Variants in LRP1B observed in about 807,000 individuals in gnomAD.
The protein encoded by LRP1B is low-density lipoprotein receptor-related protein 1B.
In LRP1B, 217 loss-of-function variants were observed where a neutral mutation model predicts 556.6. That is an observed-to-expected ratio of 0.39 (90% CI 0.35 to 0.44). LRP1B has a LOEUF of 0.44. Ranked by LOEUF, LRP1B falls within the 20% of genes least tolerant of loss-of-function variation. The pLI is 1.00. For synonymous variants in LRP1B, 2,047 were observed against 1,865.8 expected (o/e 1.10, Z -2.50); for missense variants, 5,053 against 5,620.8 (o/e 0.90, Z 3.23).
intron 3 of LRP1B, among the ~76,000 whole-genome samples, chr2:141,396,684 A>C (rs1435138715): frequency 6.6e-6 from 1 of 152,160 alleles, no homozygotes; most frequent in Non-Finnish European, 1.5e-5. Flanking sequence ...GCATCTGATA[A>C]ATTCTGGATA....
intron 11 of LRP1B, among the ~76,000 whole-genome samples, chr2:141,045,068 C>T (rs962904244): frequency 4.0e-5 from 6 of 151,058 alleles, no homozygotes; most frequent in Admixed American, 1.3e-4. Context: ...GGCACATATA[C>T]ACCACGGAAT....
intron 7 of LRP1B, among the ~76,000 whole-genome samples, chr2:141,129,874 C>A (rs1245194420): frequency 1.3e-5 from 2 of 151,918 alleles, no homozygotes; most frequent in Non-Finnish European, 2.9e-5. Flanking sequence ...ACTGATTGTA[C>A]TGTTCACATG....
chr2:141,228,936 G>A (rs534346848), intron 6 of LRP1B, among the ~76,000 whole-genome samples: 3 of 151,922 alleles, frequency 2.0e-5, no homozygotes, highest in South Asian at 2.1e-4. Context: ...AGGTGACACT[G>A]TAAAAAGCCT....
chr2:141,300,549 G>C (rs1471057766), intron 3 of LRP1B, among the ~76,000 whole-genome samples: 1 of 152,180 alleles, frequency 6.6e-6, no homozygotes, highest in African/African-American at 2.4e-5. Flanking sequence ...AATGTTGAAG[G>C]TGAGCTTCGT....
At chr2:140,861,891 G>A (rs1692807353) in intron 27 of LRP1B, among the ~76,000 whole-genome samples, 1 of 152,198 alleles carries the variant, frequency 6.6e-6, no homozygotes, top group South Asian at 2.1e-4. Flanking sequence ...TTGTGTGTGT[G>A]TGTGCGCATG....
At chr2:140,281,101 C>T (rs1425454343) in intron 84 of LRP1B, among the ~76,000 whole-genome samples, 1 of 151,840 alleles carries the variant, frequency 6.6e-6, no homozygotes, top group African/African-American at 2.4e-5. Context: ...ATCATTATTG[C>T]ACACTCTCTC....
At chr2:141,065,217 G>T (rs1370257967) in intron 7 of LRP1B, among the ~76,000 whole-genome samples, 3 of 151,764 alleles carry the variant, frequency 2.0e-5, no homozygotes, top group Non-Finnish European at 4.4e-5. Context: ...TACTCATTGA[G>T]CCACTTCAGA....
At chr2:140,590,859 C>G (rs2105165614) in intron 43 of LRP1B, among the ~76,000 whole-genome samples, 1 of 152,244 alleles carries the variant, frequency 6.6e-6, no homozygotes, top group Admixed American at 6.5e-5. Flanking sequence ...GCCTGAGAGA[C>G]AGCATATTAA....
At chr2:141,148,858 C>T (rs576460399) in intron 7 of LRP1B, among the ~76,000 whole-genome samples, 6 of 151,968 alleles carry the variant, frequency 3.9e-5, no homozygotes, top group Non-Finnish European at 7.4e-5. Context: ...CCGAGGCAGG[C>T]GGATCACTTG....
rs868284850 is a variant in LRP1B, at chr2:141,506,377, T to C, written c.206-25844A>G. 3.3e-5 allele frequency among the ~76,000 whole-genome samples: 5 copies of C among 152,080 alleles called. 1 individual carries two copies. In the South Asian group the frequency reaches 1.0e-3, roughly 31 times the overall value. Reference sequence around the variant, plus strand: ...CATGCTATCTGTTCCTTCTACAGAGTAGGTTGCTAACAAGCATTTCAACTG... The same window carrying C: ...CATGCTATCTGTTCCTTCTACAGAGCAGGTTGCTAACAAGCATTTCAACTG... On this transcript the variant is annotated intron_variant, in intron 2 of 90. Coordinates refer to ENST00000389484, the MANE Select transcript of LRP1B (RefSeq NM_018557.3).
intron 33 of LRP1B, among the ~76,000 whole-genome samples, chr2:140,775,312 G>C (rs947384856): frequency 2.0e-5 from 3 of 151,714 alleles, no homozygotes; most frequent in Non-Finnish European, 4.4e-5. Flanking sequence ...GCTCTTCTCT[G>C]CTTTAGTCTA....
At chr2:140,536,810 A>T in intron 45 of LRP1B, 101 bp from the exon 46 acceptor site, 1 of 781,242 alleles carries the variant, frequency 1.3e-6, no homozygotes, top group Non-Finnish European at 2.0e-6. Context: ...AAGATAAACT[A>T]AAATTTATCA....
intron 11 of LRP1B, among the ~76,000 whole-genome samples, chr2:141,027,551 C>T (rs1654318267): frequency 6.6e-6 from 1 of 152,022 alleles, no homozygotes; most frequent in Non-Finnish European, 1.5e-5. Flanking sequence ...ATGAGAAGGA[C>T]AAGACATAAC....
chr2:140,554,596 T>A (rs1250098805), intron 43 of LRP1B, among the ~76,000 whole-genome samples: 1 of 152,008 alleles, frequency 6.6e-6, no homozygotes, highest in East Asian at 1.9e-4. Context: ...TCCGGAACAG[T>A]TTTTGTATAC....
intron 3 of LRP1B, among the ~76,000 whole-genome samples, chr2:141,400,997 T>A (rs1286191592): frequency 1.3e-5 from 2 of 152,216 alleles, no homozygotes; most frequent in African/African-American, 4.8e-5. Flanking sequence ...TCTGTAACTT[T>A]GTTCATCTTA....
At chr2:140,764,928 A>G (rs1391280676) in intron 35 of LRP1B, among the ~76,000 whole-genome samples, 1 of 152,170 alleles carries the variant, frequency 6.6e-6, no homozygotes, top group Non-Finnish European at 1.5e-5. Context: ...GTGTAAAAAA[A>G]TAATAAAATA....
At chr2:140,530,753 A>G (rs1024869761) in intron 47 of LRP1B, among the ~76,000 whole-genome samples, 4 of 152,152 alleles carry the variant, frequency 2.6e-5, no homozygotes, top group Non-Finnish European at 2.9e-5. Context: ...GCTTTAAGGC[A>G]TAAGTTTTGC....
chr2:141,313,766 G>A (rs188008289), intron 3 of LRP1B, among the ~76,000 whole-genome samples: 28 of 152,044 alleles, frequency 1.8e-4, no homozygotes, highest in African/African-American at 6.8e-4. Flanking sequence ...GGGGAACTGA[G>A]GTTTTAGGGA....
chr2:141,702,623 G>T (rs2105464822), intron 2 of LRP1B, among the ~76,000 whole-genome samples: 1 of 151,948 alleles, frequency 6.6e-6, no homozygotes, highest in East Asian at 1.9e-4. Flanking sequence ...GGTTAGTAGG[G>T]AGCTAGTGAA....
Sources: allele counts gnomAD v4.1 joint callset (sites outside exome capture counted in the v4.1 genomes callset), GRCh38; gene constraint gnomAD v4.1.1; transcripts MANE v1.5; gene names NCBI Gene and HGNC (gene_info 2026-07-23, HGNC 2026-07-21).